Variants in SPIN1 observed in about 807,000 individuals in gnomAD.
SPIN1 encodes spindlin 1.
A neutral mutation model predicts 26.0 loss-of-function variants in SPIN1; 3 were observed. The observed-to-expected ratio is 0.12, with a 90% CI of 0.05 to 0.30. The LOEUF (loss-of-function observed/expected upper bound fraction) is 0.30. Ranked by LOEUF, SPIN1 falls within the 10% of genes least tolerant of loss-of-function variation. SPIN1 has a pLI of 1.00. For synonymous variants in SPIN1, 101 were observed against 116.5 expected (o/e 0.87, Z 0.86); for missense variants, 126 against 333.4 (o/e 0.38, Z 4.84).
At chr9:88,451,172 C>T (rs892775884) in intron 3 of SPIN1, among the ~76,000 whole-genome samples, 9 of 152,062 alleles carry the variant, frequency 5.9e-5, no homozygotes, top group African/African-American at 1.4e-4. Flanking sequence ...TCTGACTCAA[C>T]GGGAGTTGCA....
intron 3 of SPIN1, among the ~76,000 whole-genome samples, chr9:88,456,143 T>TC (rs1828467582): frequency 6.6e-6 from 1 of 152,204 alleles, no homozygotes; most frequent in African/African-American, 2.4e-5. Context: ...CAATGGAAAC[T>TC]CCACATGGTA....
intron 3 of SPIN1, among the ~76,000 whole-genome samples, chr9:88,451,622 G>C (rs1374292110): frequency 6.6e-6 from 1 of 152,142 alleles, no homozygotes; most frequent in Admixed American, 6.5e-5. Context: ...GTGCAGTGGT[G>C]CAATCTTGGT....
intron 3 of SPIN1, among the ~76,000 whole-genome samples, chr9:88,458,522 A>T (rs193265320): frequency 1.0e-3 from 152 of 152,310 alleles, no homozygotes; most frequent in African/African-American, 3.6e-3. Flanking sequence ...AGCCATTATC[A>T]GGAGCAACTG....
At chr9:88,415,886 G>A (rs892015960) in intron 1 of SPIN1, among the ~76,000 whole-genome samples, 14 of 151,726 alleles carry the variant, frequency 9.2e-5, no homozygotes, top group African/African-American at 2.9e-4. Context: ...TGGGACTACA[G>A]GCGCCAGCCA....
chr9:88,463,314 T>G (rs1458942444), intron 4 of SPIN1, among the ~76,000 whole-genome samples: 1 of 152,200 alleles, frequency 6.6e-6, no homozygotes, highest in African/African-American at 2.4e-5. Flanking sequence ...AGGCATAAGG[T>G]CTAAGGTAAA....
chr9:88,460,398 G>C (rs10116361), intron 3 of SPIN1, among the ~76,000 whole-genome samples: 3 of 151,972 alleles, frequency 2.0e-5, no homozygotes, highest in African/African-American at 7.3e-5. Context: ...CTTGTCTAGC[G>C]ATCTCATTTC....
At chr9:88,423,070 C>T (rs908874739) in intron 1 of SPIN1, among the ~76,000 whole-genome samples, 7 of 152,164 alleles carry the variant, frequency 4.6e-5, no homozygotes, top group African/African-American at 1.7e-4. Context: ...CACCATGTAT[C>T]CTTCCCCCAC....
intron 1 of SPIN1, among the ~76,000 whole-genome samples, chr9:88,405,120 ATAAG>A (rs949553373): frequency 6.6e-6 from 1 of 152,220 alleles, no homozygotes; most frequent in Non-Finnish European, 1.5e-5. Flanking sequence ...TTTTTTATAA[ATAAG>A]TATGAGTACA....
chr9:88,415,023 C>A (rs1190099354), intron 1 of SPIN1, among the ~76,000 whole-genome samples: 1 of 152,088 alleles, frequency 6.6e-6, no homozygotes, highest in Admixed American at 6.6e-5. Flanking sequence ...CCTGCCTTAG[C>A]CTCCCGAGTA....
At chr9:88,436,826 G>A (rs1393546001) in intron 2 of SPIN1, among the ~76,000 whole-genome samples, 4 of 142,494 alleles carry the variant, frequency 2.8e-5, no homozygotes, top group Non-Finnish European at 4.5e-5. Context: ...GTGCAGTGGC[G>A]GGATCTCGGC....
chr9:88,389,355 G>GT (rs1438572022), intron 1 of SPIN1: 2 of 152,234 alleles, frequency 1.3e-5, no homozygotes, highest in Non-Finnish European at 2.9e-5. Context: ...AGCGCCTCGG[G>GT]TTTGGCTTTC....
At chr9:88,458,816 C>T (rs1358671557) in intron 3 of SPIN1, among the ~76,000 whole-genome samples, 2 of 152,140 alleles carry the variant, frequency 1.3e-5, no homozygotes, top group Non-Finnish European at 2.9e-5. Context: ...GCAGCACAAA[C>T]AGCCAGTCTG....
At chr9:88,458,160 CTTTA>C (rs1828507409) in intron 3 of SPIN1, among the ~76,000 whole-genome samples, 1 of 152,094 alleles carries the variant, frequency 6.6e-6, no homozygotes, top group Non-Finnish European at 1.5e-5. Context: ...GCGTTAGAAG[CTTTA>C]TTTAGTGAAA....
At chr9:88,427,427 T>C (rs563352998) in intron 2 of SPIN1, among the ~76,000 whole-genome samples, 14 of 152,256 alleles carry the variant, frequency 9.2e-5, no homozygotes, top group South Asian at 4.1e-4. Context: ...CATTTAAATA[T>C]TTAATATTTG....
chr9:88,398,614 T>A (rs1409514498), intron 1 of SPIN1, among the ~76,000 whole-genome samples: 1 of 152,122 alleles, frequency 6.6e-6, no homozygotes, highest in Non-Finnish European at 1.5e-5. Flanking sequence ...TCGCTCTTGT[T>A]GCCCAGGCTG....
chr9:88,407,764 T>G (rs560396669), intron 1 of SPIN1, among the ~76,000 whole-genome samples: 1 of 146,230 alleles, frequency 6.8e-6, no homozygotes, highest in African/African-American at 2.7e-5. Context: ...AATCTCTCTC[T>G]CTTTTTTTTT....
Position 88,453,582 on chromosome 9 carries a change from A to G in SPIN1, c.101+4593A>G, listed in dbSNP as rs569159576. Among the ~76,000 whole-genome samples, 15 of 151,350 alleles carry G rather than the reference A, an allele frequency of 9.9e-5. 1 individual carries two copies. In the South Asian group the frequency reaches 3.1e-3, roughly 32 times the overall value. On this transcript the variant is annotated intron_variant, in intron 3 of 5. Transcript: ENST00000375859. Reference sequence around the variant, plus strand: ...ATGGAGTTTTGCTCTTGTTGCCCAGACTGGAGTGCAGTCGGCTCACCACAA... The same window carrying G: ...ATGGAGTTTTGCTCTTGTTGCCCAGGCTGGAGTGCAGTCGGCTCACCACAA...
chr9:88,437,481 G>C (rs1390894769), intron 2 of SPIN1, among the ~76,000 whole-genome samples: 2 of 150,526 alleles, frequency 1.3e-5, no homozygotes, highest in Non-Finnish European at 3.0e-5. Context: ...CTGGGCAACA[G>C]AGTAAGACCC....
At chr9:88,388,762 T>C (rs1438943821) in intron 1 of SPIN1, among the ~76,000 whole-genome samples, 1 of 149,198 alleles carries the variant, frequency 6.7e-6, no homozygotes, top group Non-Finnish European at 1.5e-5. Context: ...CGCTCCTTTG[T>C]TCGCCGGCCC....
Sources: gnomAD v4.1 joint callset for allele counts (sites outside exome capture counted in the v4.1 genomes callset) on GRCh38, gnomAD v4.1.1 for gene constraint, MANE v1.5 for transcripts, NCBI Gene and HGNC (gene_info 2026-07-23, HGNC 2026-07-21) for gene names.